The following MRC1 variants were observed in gnomAD, a reference collection of about 807,000 sequenced individuals.
MRC1 encodes macrophage mannose receptor 1.
A neutral mutation model predicts 102.9 loss-of-function variants in MRC1; 62 were observed. The observed-to-expected ratio is 0.60, with a 90% CI of 0.49 to 0.74. The LOEUF is 0.74. Among genes scored for constraint, MRC1 ranks in the 30% least tolerant of loss-of-function variants. The pLI, the probability that MRC1 is intolerant of heterozygous loss-of-function variation, is 0.00. For synonymous variants in MRC1, 457 were observed against 298.4 expected, an observed-to-expected ratio of 1.53 and a Z score of -5.48; for missense variants, 1,237 against 862.8, an observed-to-expected ratio of 1.43 and a Z score of -5.43.
chr10:17,859,113 C>T (rs1211024761), intron 9 of MRC1, among the ~76,000 whole-genome samples: 2 of 152,132 alleles, frequency 1.3e-5, no homozygotes, highest in African/African-American at 4.8e-5. Context: ...AACTTCATTG[C>T]TATGGTTTTC....
chr10:17,875,321 G>A, intron 17 of MRC1, 68 bp downstream of exon 17: 1 of 770,302 alleles, frequency 1.3e-6, no homozygotes. Context: ...TGGTTGTATG[G>A]AAAAGTTCTT....
At chr10:17,849,816 CT>C in intron 7 of MRC1, 52 bp downstream of exon 7, 1 of 735,768 alleles carries the variant, frequency 1.4e-6, no homozygotes, top group Non-Finnish European at 2.5e-6. Context: ...GGGAGCACCC[CT>C]TTCTACCCAA....
chr10:17,847,090 C>G (rs1838837167), intron 6 of MRC1, among the ~76,000 whole-genome samples: 1 of 152,130 alleles, frequency 6.6e-6, no homozygotes, highest in Non-Finnish European at 1.5e-5. Context: ...CGGTGGGTAT[C>G]TTTAGAGAAA....
In MRC1 at chr10:17,894,294, A is replaced by G; in HGVS notation, c.3232A>G (p.Ile1078Val). Reference sequence around the variant, plus strand: ...TACCTGCGACAGTAAACGAGGCTACATATGCCAGACACGATCCGGTAAGTT... The same window carrying G: ...TACCTGCGACAGTAAACGAGGCTACGTATGCCAGACACGATCCGGTAAGTT... ...DDTCDSKRGY[I>V]CQTRSDPSLT... The change falls in exon 23 of 30, where the codon ATA (isoleucine) becomes GTA (valine). Residue 1078 changes from isoleucine (I) to valine (V), a missense_variant. Ile to Val is a conservative substitution (Grantham distance 29, BLOSUM62 3). Coordinates refer to ENST00000569591, the MANE Select transcript of MRC1 (RefSeq NM_002438.4). 4.6e-6 allele frequency: 4 copies of G among 872,562 alleles called. No individual in the cohort carries two copies. The highest frequency in any genetic ancestry group is 1.6e-5 in the African/African-American group (1 of 61,346). 54.1% of individuals were successfully genotyped at this position (872,562 alleles called of 1,614,324 possible).
intron 4 of MRC1, among the ~76,000 whole-genome samples, chr10:17,838,233 A>C (rs546174412): frequency 0.049 from 7,392 of 152,174 alleles, 188 homozygotes; most frequent in African/African-American, 0.051. Flanking sequence ...TAATTTTGTC[A>C]ACATTTCCTG....
chr10:17,884,535 G>A (rs1172132087), intron 21 of MRC1, among the ~76,000 whole-genome samples: 2 of 152,208 alleles, frequency 1.3e-5, no homozygotes, highest in African/African-American at 4.8e-5. Context: ...GGAGGCCTCA[G>A]GAAGTTTACA....
In MRC1 at chr10:17,871,870, A is replaced by C. The variant is rs1335874967; in HGVS notation, c.2200-112A>C. The C allele has an allele frequency of 4.3e-6, 3 of 699,696 alleles. No individual in the cohort carries two copies. In the South Asian group the frequency reaches 5.1e-5, roughly 12 times the overall value. 43.3% of individuals were successfully genotyped at this position (699,696 alleles called of 1,614,324 possible). A position where few individuals can be genotyped will look rare whatever the true frequency, so the allele number is the denominator to read the frequency against. ...TCAAAGCAAAGCTATTGTGAAAAAA[A>C]AGTAAATTGATAAAACAATGCAAAC... On this transcript the variant is annotated intron_variant, in intron 14 of 29. Coordinates refer to ENST00000569591, the MANE Select transcript of MRC1 (RefSeq NM_002438.4).
chr10:17,824,379 G>A (rs1838442514), intron 2 of MRC1, among the ~76,000 whole-genome samples: 1 of 152,198 alleles, frequency 6.6e-6, no homozygotes, highest in South Asian at 2.1e-4. Flanking sequence ...GGGGACAAGA[G>A]ATAACCTGTT....
chr10:17,846,845 A>T (rs1006516010), intron 6 of MRC1, among the ~76,000 whole-genome samples: 11 of 152,212 alleles, frequency 7.2e-5, no homozygotes, highest in Non-Finnish European at 1.3e-4. Context: ...ATGGATTTTT[A>T]ATTTAATTTA....
In MRC1 at chr10:17,891,850, TATC is replaced by T. The variant is rs1833681219; in HGVS notation, c.3148-2357_3148-2355del. Among the ~76,000 whole-genome samples, 3 of 152,272 alleles carry T rather than the reference TATC, an allele frequency of 2.0e-5. No individual in the cohort carries two copies. The South Asian group carries it at 6.2e-4, about 32-fold the overall frequency. ...CAGTTCTTCGGCTGTATCTGCCTGTTATCATACGGGAGCCCCAAGGATATGGTG... is the reference window on the plus strand; with the variant it reads ...CAGTTCTTCGGCTGTATCTGCCTGTTATACGGGAGCCCCAAGGATATGGTG... On this transcript the variant is annotated intron_variant, in intron 22 of 29. Coordinates refer to ENST00000569591, the MANE Select transcript of MRC1 (RefSeq NM_002438.4).
At position 17,903,798 on chromosome 10, in the gene MRC1, A is replaced by G. The variant is rs2130721469; in HGVS notation, c.3799+1676A>G. Among the ~76,000 whole-genome samples the G allele has an allele frequency of 2.6e-5, 4 of 152,180 alleles. No individual in the cohort carries two copies. The South Asian group carries it at 8.3e-4, about 32-fold the overall frequency. On this transcript the variant is annotated intron_variant, in intron 26 of 29. Transcript: ENST00000569591. ...CTAACATGTTAATTTACAAAAATCT[A>G]GTTCAAAATTAGCCAAGCATGGTGG...
chr10:17,882,253 C>T (rs1397138936), intron 21 of MRC1, among the ~76,000 whole-genome samples: 1 of 152,180 alleles, frequency 6.6e-6, no homozygotes, highest in East Asian at 1.9e-4. Flanking sequence ...TCAAGTTATA[C>T]AGCTTGGAAA....
intron 12 of MRC1, 141 bp downstream of exon 12, chr10:17,866,902 T>G: frequency 1.4e-6 from 1 of 716,058 alleles, no homozygotes; most frequent in African/African-American, 1.8e-5. Context: ...CTGATTTGAT[T>G]AACCCGGGGA....
intron 29 of MRC1, among the ~76,000 whole-genome samples, chr10:17,909,958 ATATTT>A (rs1238233852): frequency 4.6e-5 from 7 of 152,190 alleles, no homozygotes; most frequent in Non-Finnish European, 1.5e-5. Flanking sequence ...TAAGGTATAT[ATATTT>A]TAATACATTG....
chr10:17,866,016 A>G (rs976017513), intron 11 of MRC1, among the ~76,000 whole-genome samples: 2 of 152,162 alleles, frequency 1.3e-5, no homozygotes, highest in South Asian at 2.1e-4. Flanking sequence ...TCCTCATTTT[A>G]TTTTATGTAC....
chr10:17,864,090 C>A (rs1340506420), intron 11 of MRC1, among the ~76,000 whole-genome samples: 2 of 152,014 alleles, frequency 1.3e-5, no homozygotes, highest in Non-Finnish European at 2.9e-5. Flanking sequence ...GCAACCTCAA[C>A]CTTCTGGGTT....
In MRC1 at chr10:17,898,254, G is replaced by T; in HGVS notation, c.3471G>T (p.Leu1157=). 2 of 780,752 alleles carry T rather than the reference G, an allele frequency of 2.6e-6. No individual in the cohort carries two copies. The highest frequency in any genetic ancestry group is 2.4e-6 in the Non-Finnish European group (1 of 417,918). 48.4% of individuals were successfully genotyped at this position (780,752 alleles called of 1,614,324 possible). A position where few individuals can be genotyped will look rare whatever the true frequency, so the allele number is the denominator to read the frequency against. Reference sequence around the variant, plus strand: ...CTAATGAACGTGTGTGGATCGCCCTGAACAGTAACTTGGTAAGATGCTGGA... The same window carrying T: ...CTAATGAACGTGTGTGGATCGCCCTTAACAGTAACTTGGTAAGATGCTGGA... ...ETSNERVWIA[L]NSNLTDNQYT... The change falls in exon 24 of 30, where the codon CTG becomes CTT. Residue 1157 remains leucine, a synonymous_variant. Transcript: ENST00000569591.
chr10:17,823,131 G>T lies in MRC1; in HGVS notation c.119G>T (p.Ser40Ile), dbSNP rs1838420370. 18 of 780,786 alleles carry T rather than the reference G, an allele frequency of 2.3e-5. No homozygotes were observed. The highest frequency in any genetic ancestry group is 2.3e-4 in the South Asian group (17 of 74,616). 48.4% of individuals were successfully genotyped at this position (780,786 alleles called of 1,614,324 possible). A position where few individuals can be genotyped will look rare whatever the true frequency, so the allele number is the denominator to read the frequency against. ...EDHKRCVDAV[S>I]PSAVQTAACN... The stretch of plus-strand genomic sequence containing the variant: ...CACAAGCGCTGCGTGGATGCAGTGA[G>T]TCCCAGTGCCGTCCAAACCGCAGCT... The change falls in exon 2 of 30, where the codon AGT becomes ATT. Residue 40 changes from serine (S) to isoleucine (I), a missense_variant. Ser to Ile is a moderately radical substitution (Grantham distance 142). Transcript: ENST00000569591.
chr10:17,861,690 C>T (rs1425268060), intron 10 of MRC1, among the ~76,000 whole-genome samples, 188 bp downstream of exon 10: 1 of 151,942 alleles, frequency 6.6e-6, no homozygotes. Flanking sequence ...ACCGTTTTTG[C>T]TAAATTTAGT....
Sources: gnomAD v4.1 joint callset for allele counts (sites outside exome capture counted in the v4.1 genomes callset) on GRCh38, gnomAD v4.1.1 for gene constraint, MANE v1.5 for transcripts, NCBI Gene and HGNC (gene_info 2026-07-23, HGNC 2026-07-21) for gene names.